The following LEPROT variants were observed in gnomAD, a reference collection of about 807,000 sequenced individuals.
LEPROT encodes leptin receptor gene-related protein.
LEPROT carries 3 observed loss-of-function variants against 15.4 expected under a neutral mutation model. The ratio of observed to expected loss-of-function variants is 0.19; its 90% CI spans 0.09 to 0.50. The LOEUF (loss-of-function observed/expected upper bound fraction) is 0.50, where lower values mean the gene tolerates loss of function less well. LEPROT is among the 20% of genes least tolerant of loss of function. The pLI is 0.97. For missense variants in LEPROT, 137 were observed against 162.2 expected (o/e 0.84, Z 0.84); for synonymous variants, 59 against 57.5 (o/e 1.03, Z -0.12).
chr1:65,420,823 G>T, intron 1 of LEPROT, 83 bp downstream of exon 1: 1 of 1,502,134 alleles, frequency 6.7e-7, no homozygotes, highest in Non-Finnish European at 9.0e-7. Flanking sequence ...CGCCTTCCGC[G>T]CGCCGTTGGG....
At position 65,435,690 on chromosome 1, in the gene LEPROT, C is replaced by T. The variant is rs539052316; in HGVS notation, c.*3771C>T. 8.3e-5 allele frequency: 82 copies of T among 985,122 alleles called. No individual in the cohort carries two copies. In the African/African-American group the frequency reaches 1.2e-3, roughly 14 times the overall value. 61.0% of individuals were successfully genotyped at this position (985,122 alleles called of 1,614,324 possible). On this transcript the variant is annotated 3_prime_UTR_variant, in exon 4 of 4. Transcript: ENST00000371065. ...CCAAAATGTGCCTTTGCAAAGTTTG[C>T]GAAATCAGATTTTGTATCCCAATAG...
At chr1:65,430,926 G>A (rs1646473127) in intron 3 of LEPROT, among the ~76,000 whole-genome samples, 1 of 152,132 alleles carries the variant, frequency 6.6e-6, no homozygotes, top group Non-Finnish European at 1.5e-5. Flanking sequence ...TTTGTATTGA[G>A]GTAGGATGGC....
rs781047620 is a variant in LEPROT, at chr1:65,432,849, GTTAA to G, written c.*934_*937del. 3.0e-5 allele frequency: 20 copies of G among 662,214 alleles called. No individual in the cohort carries two copies. Among genetic ancestry groups the G allele is most frequent in the Non-Finnish European group, 3.7e-5 (20 of 534,980 alleles). 41.0% of individuals were successfully genotyped at this position (662,214 alleles called of 1,614,324 possible). A position where few individuals can be genotyped will look rare whatever the true frequency, so the allele number is the denominator to read the frequency against. ...AAAAGTTAAATATTTGAGATCATAT[GTTAA>G]TTAGTGTAATCATTCCACCTTATAT... On this transcript the variant is annotated 3_prime_UTR_variant, in exon 4 of 4. Transcript: ENST00000371065.
chr1:65,426,205 A>G (rs978665856), intron 2 of LEPROT, among the ~76,000 whole-genome samples: 4 of 152,208 alleles, frequency 2.6e-5, no homozygotes, highest in African/African-American at 7.2e-5. Context: ...CACTTTAGGC[A>G]CCAGGAAAGC....
intron 2 of LEPROT, among the ~76,000 whole-genome samples, chr1:65,427,100 T>C (rs1646392061): frequency 6.6e-6 from 1 of 152,190 alleles, no homozygotes; most frequent in African/African-American, 2.4e-5. Context: ...GGCCAACTAT[T>C]ACAGAAATTG....
chr1:65,425,510 C>G (rs1259411624), intron 2 of LEPROT, 132 bp downstream of exon 2: 1 of 664,574 alleles, frequency 1.5e-6, no homozygotes, highest in East Asian at 3.1e-5. Context: ...TTTATGAACA[C>G]AGTCCCTTTG....
In LEPROT at chr1:65,425,033, CT is replaced by C. The variant is rs538402774; in HGVS notation, c.17-263del. On this transcript the variant is annotated intron_variant, in intron 1 of 3. Transcript: ENST00000371065. The stretch of plus-strand genomic sequence containing the variant: ...TGCTACATTTGCTTGAATTTGGGAC[CT>C]TTTTTTCTTTCTTTTTTATTTTAGT... Among the ~76,000 whole-genome samples, 178 of 152,226 alleles carry C rather than the reference CT, an allele frequency of 1.2e-3. 2 individuals carry two copies. Among genetic ancestry groups the C allele is most frequent in the African/African-American group, 3.5e-3 (146 of 41,550 alleles).
chr1:65,420,849 C>T, intron 1 of LEPROT, 109 bp downstream of exon 1: 1 of 1,322,160 alleles, frequency 7.6e-7, no homozygotes, highest in South Asian at 1.3e-5. Flanking sequence ...GCCTCACCAC[C>T]CTTCCCGCCT....
Position 65,433,788 on chromosome 1 carries a change from T to G in LEPROT, c.*1869T>G. Reference sequence around the variant, plus strand: ...TTGCATTTATTGTATTGTAATAAATTTCACTTTTAACTTTAAAAGTTTAAC... The same window carrying G: ...TTGCATTTATTGTATTGTAATAAATGTCACTTTTAACTTTAAAAGTTTAAC... On this transcript the variant is annotated 3_prime_UTR_variant, in exon 4 of 4. Coordinates refer to ENST00000371065, the MANE Select transcript of LEPROT (RefSeq NM_017526.5). 1 of 953,324 alleles carries G rather than the reference T, an allele frequency of 1.0e-6. No individual in the cohort carries two copies. The highest frequency in any genetic ancestry group is 1.2e-6 in the Non-Finnish European group (1 of 800,930). 59.1% of individuals were successfully genotyped at this position (953,324 alleles called of 1,614,324 possible). A position where few individuals can be genotyped will look rare whatever the true frequency, so the allele number is the denominator to read the frequency against.
chr1:65,435,748 C>G lies in LEPROT; in HGVS notation c.*3829C>G. Reference sequence around the variant, plus strand: ...ATATTTATGAGGATGCTAGCATTTTCCAAGCATAGTAATTAGTTCACAACT... The same window carrying G: ...ATATTTATGAGGATGCTAGCATTTTGCAAGCATAGTAATTAGTTCACAACT... On this transcript the variant is annotated 3_prime_UTR_variant, in exon 4 of 4. Transcript: ENST00000371065. 1 of 984,660 alleles carries G rather than the reference C, an allele frequency of 1.0e-6. No individual in the cohort carries two copies. The highest frequency in any genetic ancestry group is 1.2e-6 in the Non-Finnish European group (1 of 829,296). 61.0% of individuals were successfully genotyped at this position (984,660 alleles called of 1,614,324 possible).
chr1:65,433,435 A>G lies in LEPROT; in HGVS notation c.*1516A>G. The G allele has an allele frequency of 1.0e-6, 1 of 985,442 alleles. No homozygotes were observed. Among genetic ancestry groups the G allele is most frequent in the Non-Finnish European group, 1.2e-6 (1 of 829,930 alleles). The allele number at this position is 985,442 out of a possible 1,614,324, so 61.0% of individuals were successfully genotyped here. ...CTTTTTGTCTAAGATCTATTGAGAA[A>G]GGGAAATATGGGAAGGAGAACCATT... On this transcript the variant is annotated 3_prime_UTR_variant, in exon 4 of 4. Transcript: ENST00000371065.
intron 1 of LEPROT, 22 bp downstream of exon 1, chr1:65,420,762 G>T: frequency 6.3e-7 from 1 of 1,576,510 alleles, no homozygotes; most frequent in African/African-American, 1.3e-5. Flanking sequence ...TCCCCGGCTC[G>T]CTTGTCGTGT....
At chr1:65,428,982 C>T (rs142014788) in intron 2 of LEPROT, among the ~76,000 whole-genome samples, 2,462 of 152,064 alleles carry the variant, frequency 0.016, 42 homozygotes, top group South Asian at 0.087. Context: ...TCATGCCTTC[C>T]GTACTTAAAA....
At chr1:65,423,304 G>A (rs1023452153) in intron 1 of LEPROT, among the ~76,000 whole-genome samples, 3 of 152,138 alleles carry the variant, frequency 2.0e-5, no homozygotes, top group African/African-American at 7.2e-5. Flanking sequence ...AGTGAAAAGA[G>A]AGATGGGGTT....
intron 2 of LEPROT, among the ~76,000 whole-genome samples, chr1:65,425,940 C>T (rs778765386): frequency 8.5e-5 from 13 of 152,118 alleles, no homozygotes; most frequent in South Asian, 2.1e-4. Context: ...CATGTGCCAG[C>T]TACTGTTATG....
rs1431411522 is a variant in LEPROT, at chr1:65,430,126, A to G, written c.279+78A>G. On this transcript the variant is annotated intron_variant, in intron 3 of 3. Coordinates refer to ENST00000371065, the MANE Select transcript of LEPROT (RefSeq NM_017526.5). ...GGCCTGTGTCTGGGACCTCCATTTC[A>G]TGCTCATTACTTAGGCTTTATACTC... 4.7e-6 allele frequency: 6 copies of G among 1,268,876 alleles called. No individual in the cohort carries two copies. In the African/African-American group the frequency reaches 6.0e-5, roughly 13 times the overall value. The allele number at this position is 1,268,876 out of a possible 1,614,324, so 78.6% of individuals were successfully genotyped here. A position where few individuals can be genotyped will look rare whatever the true frequency, so the allele number is the denominator to read the frequency against.
intron 2 of LEPROT, among the ~76,000 whole-genome samples, chr1:65,427,259 A>G (rs1646395962): frequency 6.6e-6 from 1 of 152,052 alleles, no homozygotes; most frequent in Non-Finnish European, 1.5e-5. Context: ...GTAGTTAAAG[A>G]CTTACCCAGA....
In LEPROT at chr1:65,432,104, T is replaced by G; in HGVS notation, c.*185T>G. ...GTTTTATTCTCAGCAAATAGACCTGTCAAATTTAGATTATGTTACTCAAAT... is the reference window on the plus strand; with the variant it reads ...GTTTTATTCTCAGCAAATAGACCTGGCAAATTTAGATTATGTTACTCAAAT... On this transcript the variant is annotated 3_prime_UTR_variant, in exon 4 of 4. Coordinates refer to ENST00000371065, the MANE Select transcript of LEPROT (RefSeq NM_017526.5). 1 of 1,293,732 alleles carries G rather than the reference T, an allele frequency of 7.7e-7. No individual in the cohort carries two copies. Among genetic ancestry groups the G allele is most frequent in the Non-Finnish European group, 9.8e-7 (1 of 1,021,770 alleles). The allele number at this position is 1,293,732 out of a possible 1,614,324, so 80.1% of individuals were successfully genotyped here.
intron 2 of LEPROT, among the ~76,000 whole-genome samples, chr1:65,428,656 G>A (rs1469884513): frequency 6.6e-6 from 1 of 152,072 alleles, no homozygotes; most frequent in African/African-American, 2.4e-5. Flanking sequence ...GGTGCTGTCT[G>A]GGCGTATCTG....
Sources: gnomAD v4.1 joint callset for allele counts (sites outside exome capture counted in the v4.1 genomes callset) on GRCh38, gnomAD v4.1.1 for gene constraint, MANE v1.5 for transcripts, NCBI Gene and HGNC (gene_info 2026-07-23, HGNC 2026-07-21) for gene names.